FHIT: variants seen among roughly 807,000 people sequenced by gnomAD.
FHIT encodes fragile histidine triad diadenosine triphosphatase, also known as bis(5'-adenosyl)-triphosphatase.
Under a neutral mutation model 17.9 loss-of-function variants are expected in FHIT, and 19 were observed. That is an observed-to-expected ratio of 1.06 (90% CI 0.74 to 1.56). The LOEUF is 1.56. Ranked by LOEUF, FHIT falls within the 40% of genes most tolerant of loss-of-function variation. The probability of loss-of-function intolerance (pLI) is 0.00; values close to 1 mark genes in which losing one functional copy is unlikely to be tolerated. For synonymous variants in FHIT, 81 were observed against 69.7 expected (o/e 1.16, Z -0.81); for missense variants, 248 against 189.2 (o/e 1.31, Z -1.82).
At chr3:60,802,103 C>T (rs1701212458) in intron 4 of FHIT, among the ~76,000 whole-genome samples, 1 of 152,150 alleles carries the variant, frequency 6.6e-6, no homozygotes, top group African/African-American at 2.4e-5. Context: ...TTTCTGCCAA[C>T]AAGTTACAGT....
Position 60,834,732 on chromosome 3 carries a change from G to T in FHIT, c.-110-12721C>A, listed in dbSNP as rs114573499. On this transcript the variant is annotated intron_variant, in intron 3 of 9. Transcript: ENST00000492590. ...ATACAAAACTTAGCCAGCCACAGTG[G>T]CATGCACCTGTAGTCCCAGCTATTC... 9.7e-3 allele frequency among the ~76,000 whole-genome samples: 1,473 copies of T among 152,042 alleles called. 24 individuals carry two copies. Among genetic ancestry groups the T allele is most frequent in the African/African-American group, 0.032 (1,342 of 41,480 alleles).
chr3:60,241,746 T>C (rs1488263854), intron 5 of FHIT, among the ~76,000 whole-genome samples: 1 of 152,098 alleles, frequency 6.6e-6, no homozygotes, highest in Non-Finnish European at 1.5e-5. Context: ...AGATGAGTTA[T>C]ATTCATGACT....
chr3:59,807,821 G>C (rs907221028), intron 8 of FHIT, among the ~76,000 whole-genome samples: 1 of 152,180 alleles, frequency 6.6e-6, no homozygotes, highest in South Asian at 2.1e-4. Flanking sequence ...CATTAACAAC[G>C]TGGGCCGTGG....
At chr3:60,279,951 G>C (rs1707350898) in intron 5 of FHIT, among the ~76,000 whole-genome samples, 1 of 150,542 alleles carries the variant, frequency 6.6e-6, no homozygotes, top group South Asian at 2.1e-4. Flanking sequence ...AGAATGGCGT[G>C]AACCTGGGAG....
intron 4 of FHIT, among the ~76,000 whole-genome samples, chr3:60,772,314 CTATATATATATATA>C (rs61056807): frequency 0.23 from 33,260 of 142,472 alleles, 5,002 homozygotes; most frequent in East Asian, 0.56. Context: ...CACTTCTCAT[CTATATATATATATA>C]TATATATATA....
chr3:60,220,713 G>C (rs142552103), intron 5 of FHIT, among the ~76,000 whole-genome samples: 298 of 152,252 alleles, frequency 2.0e-3, no homozygotes, highest in African/African-American at 6.7e-3. Context: ...TCAAATTCAT[G>C]CATGGTGGCA....
At chr3:60,037,986 T>A (rs1701289318) in intron 5 of FHIT, among the ~76,000 whole-genome samples, 1 of 151,966 alleles carries the variant, frequency 6.6e-6, no homozygotes, top group African/African-American at 2.4e-5. Flanking sequence ...AGTGTTGGGA[T>A]TACAGGTGTG....
chr3:59,902,820 AG>A (rs1324707036), intron 8 of FHIT, among the ~76,000 whole-genome samples: 2 of 152,222 alleles, frequency 1.3e-5, no homozygotes, highest in African/African-American at 4.8e-5. Context: ...AATCTGGTCA[AG>A]GGTACAAACT....
intron 4 of FHIT, among the ~76,000 whole-genome samples, chr3:60,711,018 C>A (rs1181713729): frequency 6.6e-6 from 1 of 152,196 alleles, no homozygotes; most frequent in Non-Finnish European, 1.5e-5. Flanking sequence ...AACAGGGAGG[C>A]ACCCCCCAGT....
chr3:60,154,740 C>G (rs953023126), intron 5 of FHIT, among the ~76,000 whole-genome samples: 2 of 152,150 alleles, frequency 1.3e-5, no homozygotes, highest in African/African-American at 4.8e-5. Flanking sequence ...TTTTCTTCTA[C>G]TACATAATCT....
At chr3:59,749,645 C>G (rs1026613203) in intron 9 of FHIT, 66 bp from the exon 10 acceptor site, 3 of 230,324 alleles carry the variant, frequency 1.3e-5, no homozygotes, top group African/African-American at 6.6e-5. Context: ...TCTGTAGGAA[C>G]AATGAGGAGG....
intron 5 of FHIT, among the ~76,000 whole-genome samples, chr3:60,530,002 C>A (rs116473009): frequency 2.7e-3 from 410 of 152,142 alleles, no homozygotes; most frequent in African/African-American, 9.3e-3. Flanking sequence ...GAGAAATGTA[C>A]CTGCTAAAAG....
chr3:60,751,908 C>T (rs544942811), intron 4 of FHIT, among the ~76,000 whole-genome samples: 5 of 152,142 alleles, frequency 3.3e-5, no homozygotes, highest in Middle Eastern at 3.4e-3. Context: ...AGTTGTGGTA[C>T]ACCTATAAAA....
chr3:60,116,009 A>G (rs1162764947), intron 5 of FHIT, among the ~76,000 whole-genome samples: 1 of 152,196 alleles, frequency 6.6e-6, no homozygotes, highest in East Asian at 1.9e-4. Flanking sequence ...CATTTTTCAA[A>G]TATTCTTTAA....
chr3:60,360,299 A>C (rs769473857), intron 5 of FHIT, among the ~76,000 whole-genome samples: 14 of 152,094 alleles, frequency 9.2e-5, no homozygotes, highest in Non-Finnish European at 1.8e-4. Context: ...CAGAAGGTAC[A>C]AATTTGCTGG....
chr3:60,781,782 A>G (rs1345908067), intron 4 of FHIT, among the ~76,000 whole-genome samples: 1 of 152,226 alleles, frequency 6.6e-6, no homozygotes, highest in Non-Finnish European at 1.5e-5. Context: ...GTAGGACACC[A>G]ATGGTAGTAA....
Position 60,014,221 on chromosome 3 carries a change from C to T in FHIT, c.104-69G>A, listed in dbSNP as rs1192506095. 29 of 1,521,460 alleles carry T rather than the reference C, an allele frequency of 1.9e-5. 1 individual carries two copies. The South Asian group carries it at 2.9e-4, about 15-fold the overall frequency. The allele number at this position is 1,521,460 out of a possible 1,614,324, so 94.2% of individuals were successfully genotyped here. On this transcript the variant is annotated intron_variant, in intron 5 of 9. Transcript: ENST00000492590. ...GTGTTCTTACCAAGCAGTTCATACC[C>T]ACAGGATTGAATCCTCTCGGACCAG...
intron 5 of FHIT, among the ~76,000 whole-genome samples, chr3:60,511,288 C>T (rs1157836694): frequency 2.0e-5 from 3 of 152,008 alleles, no homozygotes; most frequent in African/African-American, 4.8e-5. Flanking sequence ...CTATAATTAC[C>T]ACCATTATGC....
intron 4 of FHIT, among the ~76,000 whole-genome samples, chr3:60,641,877 G>T (rs2039733275): frequency 6.6e-6 from 1 of 152,018 alleles, no homozygotes; most frequent in Admixed American, 6.6e-5. Context: ...ACAAGGTAAG[G>T]ATTTGAAGCC....
Sources: gnomAD v4.1 joint callset for allele counts (sites outside exome capture counted in the v4.1 genomes callset) on GRCh38, gnomAD v4.1.1 for gene constraint, MANE v1.5 for transcripts, NCBI Gene and HGNC (gene_info 2026-07-23, HGNC 2026-07-21) for gene names.